TRPS1: variants seen among roughly 807,000 people sequenced by gnomAD.
The protein encoded by TRPS1 is transcriptional repressor GATA binding 1.
In TRPS1, 6 loss-of-function variants were observed where a neutral mutation model predicts 101.2. The observed-to-expected ratio is 0.06, with a 90% CI of 0.03 to 0.12. TRPS1 has a LOEUF of 0.12. TRPS1 is among the 10% of genes least tolerant of loss of function. TRPS1 has a pLI of 1.00. For synonymous variants in TRPS1, 578 were observed against 589.8 expected, an observed-to-expected ratio of 0.98 and a Z score of 0.29; for missense variants, 1,363 against 1,567.0, an observed-to-expected ratio of 0.87 and a Z score of 2.20.
intron 1 of TRPS1, among the ~76,000 whole-genome samples, chr8:115,640,119 A>G (rs1436849829): frequency 6.6e-6 from 1 of 152,194 alleles, no homozygotes; most frequent in Non-Finnish European, 1.5e-5. Flanking sequence ...TTAAAACATA[A>G]TTTAAGCATC....
intron 5 of TRPS1, among the ~76,000 whole-genome samples, chr8:115,527,128 T>C (rs1816017420): frequency 6.6e-6 from 1 of 152,120 alleles, no homozygotes; most frequent in African/African-American, 2.4e-5. Flanking sequence ...AAGAATTTGA[T>C]AAAGAGAAGG....
chr8:115,630,384 C>T (rs923115997), intron 1 of TRPS1, among the ~76,000 whole-genome samples: 1 of 151,978 alleles, frequency 6.6e-6, no homozygotes, highest in African/African-American at 2.4e-5. Context: ...TACACACACA[C>T]ACACCTTTAG....
intron 5 of TRPS1, among the ~76,000 whole-genome samples, chr8:115,521,184 T>C (rs1050984948): frequency 6.6e-6 from 1 of 151,820 alleles, no homozygotes; most frequent in African/African-American, 2.4e-5. Context: ...CCTACTTGTT[T>C]GGTTCTTCTT....
At chr8:115,509,417 G>T (rs1815525869) in intron 5 of TRPS1, among the ~76,000 whole-genome samples, 1 of 151,966 alleles carries the variant, frequency 6.6e-6, no homozygotes. Flanking sequence ...TGTGGGGAAG[G>T]GTTTGGTGAA....
intron 5 of TRPS1, among the ~76,000 whole-genome samples, chr8:115,491,640 G>A (rs1024332092): frequency 1.3e-5 from 2 of 151,144 alleles, no homozygotes; most frequent in Non-Finnish European, 3.0e-5. Context: ...GGAAAGAAAG[G>A]AAAGAAAGAA....
intron 5 of TRPS1, among the ~76,000 whole-genome samples, chr8:115,535,470 A>C (rs547935514): frequency 6.7e-6 from 1 of 148,972 alleles, no homozygotes; most frequent in African/African-American, 2.4e-5. Flanking sequence ...TAGCATATAC[A>C]TATCACACAT....
At chr8:115,422,507 C>T (rs930881208) in intron 5 of TRPS1, among the ~76,000 whole-genome samples, 1 of 152,104 alleles carries the variant, frequency 6.6e-6, no homozygotes, top group Non-Finnish European at 1.5e-5. Flanking sequence ...GCTGGGATTA[C>T]AGACGCCCGC....
chr8:115,515,158 T>C (rs1349173864), intron 5 of TRPS1: 1 of 677,456 alleles, frequency 1.5e-6, no homozygotes, highest in Non-Finnish European at 2.7e-6. Context: ...ACATATTCAA[T>C]GTCCAAATTC....
intron 5 of TRPS1, among the ~76,000 whole-genome samples, chr8:115,489,996 T>C (rs995483441): frequency 6.6e-6 from 1 of 152,092 alleles, no homozygotes; most frequent in Admixed American, 6.5e-5. Context: ...TTTAGCTAAA[T>C]GTAAGAGTAG....
intron 5 of TRPS1, among the ~76,000 whole-genome samples, chr8:115,492,845 C>G (rs1366110376): frequency 6.6e-6 from 1 of 152,028 alleles, no homozygotes; most frequent in Admixed American, 6.6e-5. Flanking sequence ...TCCCGAGTAG[C>G]TGAGACTACA....
Position 115,450,906 on chromosome 8 carries a change from C to T in TRPS1, c.2701-32454G>A, listed in dbSNP as rs1813854891. On this transcript the variant is annotated intron_variant, in intron 5 of 6. Transcript: ENST00000395715. ...ATATGTTTGAGACCATTACGAAAAC[C>T]CACAGAACAACAAAGAGAGCCATCA... 7.2e-5 allele frequency among the ~76,000 whole-genome samples: 11 copies of T among 152,008 alleles called. No homozygotes were observed. In the South Asian group the frequency reaches 2.1e-3, roughly 29 times the overall value.
At chr8:115,435,941 T>C (rs1178241051) in intron 5 of TRPS1, among the ~76,000 whole-genome samples, 1 of 151,642 alleles carries the variant, frequency 6.6e-6, no homozygotes, top group East Asian at 1.9e-4. Flanking sequence ...CAGACATGTC[T>C]CGATACTAGG....
At chr8:115,535,313 TAGCATATATAG>T (rs1816278817) in intron 5 of TRPS1, among the ~76,000 whole-genome samples, 1 of 55,584 alleles carries the variant, frequency 1.8e-5, no homozygotes, top group Admixed American at 1.6e-4. Context: ...ATAGCATATA[TAGCATATATAG>T]AGCATATATA....
intron 5 of TRPS1, among the ~76,000 whole-genome samples, chr8:115,527,461 T>C (rs1003326808): frequency 6.6e-6 from 1 of 151,976 alleles, no homozygotes; most frequent in Non-Finnish European, 1.5e-5. Flanking sequence ...TAACCAATAA[T>C]GTATTCAATT....
chr8:115,600,508 C>A (rs1018744874), intron 4 of TRPS1, among the ~76,000 whole-genome samples: 2 of 152,054 alleles, frequency 1.3e-5, no homozygotes, highest in African/African-American at 4.8e-5. Context: ...AACTCAGATT[C>A]GTCCCCTTCT....
rs187473133 is a variant in TRPS1 at position 115,477,337 on chromosome 8, T to C, written c.2701-58885A>G. ...TATAGGTGTGCCAGTAGTACCAATGTCCTATTGTAATATTTAAGGATACAT... is the reference window on the plus strand; with the variant it reads ...TATAGGTGTGCCAGTAGTACCAATGCCCTATTGTAATATTTAAGGATACAT... On this transcript the variant is annotated intron_variant, in intron 5 of 6. Coordinates refer to ENST00000395715, the MANE Select transcript of TRPS1 (RefSeq NM_014112.5). Among the ~76,000 whole-genome samples, 1,485 of 152,320 alleles carry C rather than the reference T, an allele frequency of 9.7e-3. 20 individuals carry two copies. Among genetic ancestry groups the C allele is most frequent in the Middle Eastern group, 0.041 (12 of 294 alleles).
intron 5 of TRPS1, among the ~76,000 whole-genome samples, chr8:115,420,564 C>T (rs779903262): frequency 3.2e-4 from 49 of 152,174 alleles, no homozygotes; most frequent in African/African-American, 3.1e-4. Flanking sequence ...TTTCCTTATG[C>T]CCTGGGTGCT....
At chr8:115,558,831 T>C (rs933725964) in intron 5 of TRPS1, among the ~76,000 whole-genome samples, 4 of 152,152 alleles carry the variant, frequency 2.6e-5, no homozygotes, top group African/African-American at 4.8e-5. Context: ...ACAACTGCTA[T>C]AACTAGAAAT....
intron 1 of TRPS1, among the ~76,000 whole-genome samples, chr8:115,632,041 A>G (rs1818657890): frequency 6.6e-6 from 1 of 152,114 alleles, no homozygotes; most frequent in Admixed American, 6.6e-5. Flanking sequence ...ATATCTGTAG[A>G]CTGATTACAC....
Sources: gnomAD v4.1 joint callset for allele counts (sites outside exome capture counted in the v4.1 genomes callset) on GRCh38, gnomAD v4.1.1 for gene constraint, MANE v1.5 for transcripts, NCBI Gene and HGNC (gene_info 2026-07-23, HGNC 2026-07-21) for gene names.